The following TMEM132C variants were observed in gnomAD, a reference collection of about 807,000 sequenced individuals.
TMEM132C encodes transmembrane protein 132C.
TMEM132C carries 29 observed loss-of-function variants against 61.4 expected under a neutral mutation model. The ratio of observed to expected loss-of-function variants is 0.47; its 90% CI spans 0.35 to 0.64. The LOEUF (loss-of-function observed/expected upper bound fraction) is 0.64. TMEM132C is among the 30% of genes least tolerant of loss of function. The pLI is 0.00. For synonymous variants in TMEM132C, 656 were observed against 633.1 expected, an observed-to-expected ratio of 1.04 and a Z score of -0.54; for missense variants, 1,408 against 1,476.9, an observed-to-expected ratio of 0.95 and a Z score of 0.76.
intron 3 of TMEM132C, among the ~76,000 whole-genome samples, chr12:128,593,756 C>G (rs1050695012): frequency 5.3e-5 from 8 of 152,182 alleles, no homozygotes; most frequent in Non-Finnish European, 1.2e-4. Flanking sequence ...AGGTTCCAAT[C>G]CCTTGAACAA....
chr12:128,601,734 C>CCA (rs375445269), intron 3 of TMEM132C, among the ~76,000 whole-genome samples: 1 of 148,210 alleles, frequency 6.7e-6, no homozygotes, highest in African/African-American at 2.5e-5. Context: ...AGTGCAGTGG[C>CCA]GGTGGAGGGA....
intron 3 of TMEM132C, among the ~76,000 whole-genome samples, chr12:128,600,040 T>C (rs912132537): frequency 6.6e-6 from 1 of 152,176 alleles, no homozygotes; most frequent in African/African-American, 2.4e-5. Context: ...TGGAGTGCAG[T>C]GGCGCGATCT....
chr12:128,304,088 C>T lies in TMEM132C; in HGVS notation c.85+36601C>T, dbSNP rs116730209. Among the ~76,000 whole-genome samples the T allele has an allele frequency of 4.8e-3, 736 of 152,200 alleles. 7 individuals are homozygous for T. The highest frequency in any genetic ancestry group is 0.017 in the African/African-American group (692 of 41,530). ...AACCAAGTTTGGGGATGATTTGTTA[C>T]GTAACAGCTGACTGATACCCTTCAT... On this transcript the variant is annotated intron_variant, in intron 1 of 8. Transcript: ENST00000435159.
At chr12:128,693,220 G>C (rs1386363690) in intron 5 of TMEM132C, among the ~76,000 whole-genome samples, 2 of 152,162 alleles carry the variant, frequency 1.3e-5, no homozygotes, top group Non-Finnish European at 2.9e-5. Context: ...ATCATGCTGG[G>C]GAGGAAGGCA....
intron 4 of TMEM132C, among the ~76,000 whole-genome samples, chr12:128,625,671 C>G (rs1344486666): frequency 1.3e-5 from 2 of 152,190 alleles, no homozygotes; most frequent in African/African-American, 4.8e-5. Context: ...GAAACTGCCC[C>G]CCGTGATTCA....
At chr12:128,340,096 T>G (rs1872908456) in intron 1 of TMEM132C, among the ~76,000 whole-genome samples, 1 of 152,200 alleles carries the variant, frequency 6.6e-6, no homozygotes, top group Admixed American at 6.5e-5. Flanking sequence ...TAAAATGACT[T>G]TTAGCTGTTG....
intron 1 of TMEM132C, among the ~76,000 whole-genome samples, chr12:128,272,124 CT>C (rs1156326472): frequency 1.3e-5 from 2 of 152,202 alleles, no homozygotes; most frequent in Non-Finnish European, 2.9e-5. Flanking sequence ...GTAAACATCA[CT>C]AGGATTGCGG....
chr12:128,677,739 G>A (rs1272346123), intron 5 of TMEM132C, among the ~76,000 whole-genome samples: 1 of 152,162 alleles, frequency 6.6e-6, no homozygotes, highest in African/African-American at 2.4e-5. Flanking sequence ...GACAGGGTGG[G>A]GATGCTGAGA....
intron 2 of TMEM132C, among the ~76,000 whole-genome samples, chr12:128,442,665 G>C (rs906119842): frequency 1.3e-5 from 2 of 151,784 alleles, no homozygotes; most frequent in African/African-American, 2.4e-5. Flanking sequence ...CAAACATTAG[G>C]GGAAAATCAT....
At chr12:128,452,784 C>A (rs1254146327) in intron 2 of TMEM132C, among the ~76,000 whole-genome samples, 1 of 152,024 alleles carries the variant, frequency 6.6e-6, no homozygotes, top group Non-Finnish European at 1.5e-5. Context: ...CGATCCAGAT[C>A]TTTAAATGAT....
At chr12:128,535,964 A>G (rs999301202) in intron 2 of TMEM132C, among the ~76,000 whole-genome samples, 4 of 152,180 alleles carry the variant, frequency 2.6e-5, no homozygotes, top group African/African-American at 9.7e-5. Flanking sequence ...TAGTTCAACC[A>G]TTGTGGAAGA....
At chr12:128,290,446 A>AC (rs1871212585) in intron 1 of TMEM132C, among the ~76,000 whole-genome samples, 1 of 151,860 alleles carries the variant, frequency 6.6e-6, no homozygotes, top group South Asian at 2.1e-4. Context: ...TGATCCATTC[A>AC]CCCCCGACCA....
At chr12:128,655,516 C>T (rs896771911) in intron 4 of TMEM132C, among the ~76,000 whole-genome samples, 5 of 151,950 alleles carry the variant, frequency 3.3e-5, no homozygotes, top group African/African-American at 7.2e-5. Context: ...GCACGCCAGT[C>T]GGCTGCTGGG....
At chr12:128,585,185 C>T (rs186272786) in intron 3 of TMEM132C, among the ~76,000 whole-genome samples, 123 of 152,308 alleles carry the variant, frequency 8.1e-4, no homozygotes, top group Non-Finnish European at 1.4e-3. Flanking sequence ...TCACCACACA[C>T]GTGAAAAAAT....
At chr12:128,299,104 T>G (rs1289510075) in intron 1 of TMEM132C, among the ~76,000 whole-genome samples, 2 of 152,212 alleles carry the variant, frequency 1.3e-5, no homozygotes, top group Non-Finnish European at 2.9e-5. Flanking sequence ...ATCCTGACCC[T>G]GAGCCCTGTG....
rs751615058 is a variant in TMEM132C at position 128,327,127 on chromosome 12, G to T, written c.85+59640G>T. 9.3e-5 allele frequency among the ~76,000 whole-genome samples: 14 copies of T among 149,826 alleles called. 1 individual carries two copies. Among genetic ancestry groups the T allele is most frequent in the Non-Finnish European group, 1.6e-4 (11 of 68,012 alleles). ...AGACCCAGATGGAGTGATTTTAATG[G>T]GGCAGGCAGCCCCTGTCTTCCTCAT... On this transcript the variant is annotated intron_variant, in intron 1 of 8. Coordinates refer to ENST00000435159, the MANE Select transcript of TMEM132C (RefSeq NM_001136103.3).
chr12:128,341,082 A>C (rs1412059230), intron 1 of TMEM132C, among the ~76,000 whole-genome samples: 1 of 152,036 alleles, frequency 6.6e-6, no homozygotes, highest in Non-Finnish European at 1.5e-5. Flanking sequence ...CTGGGATTAC[A>C]GGTACCCACT....
chr12:128,288,228 T>G (rs1566043169), intron 1 of TMEM132C: 2 of 151,896 alleles, frequency 1.3e-5, no homozygotes, highest in Non-Finnish European at 2.9e-5. Flanking sequence ...CCAGCTAATT[T>G]TGTATTTTTA....
chr12:128,275,701 T>C (rs1870667032), intron 1 of TMEM132C, among the ~76,000 whole-genome samples: 1 of 152,086 alleles, frequency 6.6e-6, no homozygotes, highest in South Asian at 2.1e-4. Flanking sequence ...GAAGGGATAA[T>C]ATCTATTTTA....
Sources: gnomAD v4.1 joint callset for allele counts (sites outside exome capture counted in the v4.1 genomes callset) on GRCh38, gnomAD v4.1.1 for gene constraint, MANE v1.5 for transcripts, NCBI Gene and HGNC (gene_info 2026-07-23, HGNC 2026-07-21) for gene names.